BECN1: variants seen among roughly 807,000 people sequenced by gnomAD.
The protein encoded by BECN1 is beclin-1.
BECN1 carries 15 observed loss-of-function variants against 60.1 expected under a neutral mutation model. The ratio of observed to expected loss-of-function variants is 0.25; its 90% CI spans 0.17 to 0.38. The LOEUF is 0.38. Ranked by LOEUF, BECN1 falls within the 10% of genes least tolerant of loss-of-function variation. The pLI is 1.00. For synonymous variants in BECN1, 179 were observed against 201.8 expected (o/e 0.89, Z 0.96); for missense variants, 424 against 548.2 (o/e 0.77, Z 2.26).
At chr17:42,819,272 G>A in intron 4 of BECN1, 1 of 482,154 alleles carries the variant, frequency 2.1e-6, no homozygotes, top group Non-Finnish European at 3.7e-6. Context: ...AACTTCTCAA[G>A]AGCCCATCTC....
chr17:42,815,042 T>A (rs2055116936), intron 8 of BECN1: 1 of 226,792 alleles, frequency 4.4e-6, no homozygotes, highest in Admixed American at 5.3e-5. Flanking sequence ...TCCACCCCTT[T>A]ACCCCAAGTC....
rs764648809 is a variant in BECN1 at position 42,819,499 on chromosome 17, A to AT, written c.260+48_260+49insA. 2.3e-5 allele frequency: 37 copies of AT among 1,591,238 alleles called. No homozygotes were observed. In the Admixed American group the frequency reaches 5.2e-4, roughly 22 times the overall value. On this transcript the variant is annotated intron_variant, in intron 4 of 11. Transcript: ENST00000590099. ...GGTCTCGATTCCTGGATTTAATTAA[A>AT]ATTCTACTAGCCTTTGGCAAGGAAT...
intron 4 of BECN1, chr17:42,819,342 T>C: frequency 1.8e-6 from 1 of 567,920 alleles, no homozygotes; most frequent in African/African-American, 1.9e-5. Context: ...AAAGCTACTA[T>C]CCTTTCCCAC....
rs140330492 is a variant in BECN1, at chr17:42,810,427, T to G, written c.*333A>C. ...GTTAAGTGCAGGAAGTTGAGAGAGA[T>G]AAAAATCCAGTGAAAACACATCAAT... On this transcript the variant is annotated 3_prime_UTR_variant, in exon 12 of 12. Transcript: ENST00000590099. 25 of 169,698 alleles carry G rather than the reference T, an allele frequency of 1.5e-4. No individual in the cohort carries two copies. Among genetic ancestry groups the G allele is most frequent in the East Asian group, 3.2e-4 (2 of 6,202 alleles). The allele number at this position is 169,698 out of a possible 1,614,324, so 10.5% of individuals were successfully genotyped here. A position where few individuals can be genotyped will look rare whatever the true frequency, so the allele number is the denominator to read the frequency against.
In BECN1 at chr17:42,810,361, T is replaced by A. The variant is rs561823964; in HGVS notation, c.*399A>T. The A allele has an allele frequency of 1.3e-5, 2 of 154,962 alleles. No homozygotes were observed. Among genetic ancestry groups the A allele is most frequent in the South Asian group, 4.0e-4 (2 of 4,956 alleles). 9.6% of individuals were successfully genotyped at this position (154,962 alleles called of 1,614,324 possible). On this transcript the variant is annotated 3_prime_UTR_variant, in exon 12 of 12. Transcript: ENST00000590099. ...ATTATCCAACTGTGCATCTCAAACA[T>A]ATCCTCATCTCAGTAAAGACAAAAG...
rs1448269249 is a variant in BECN1, at chr17:42,811,782, A to G, written c.1057T>C (p.Cys353Arg). The G allele has an allele frequency of 6.2e-7, 1 of 1,613,530 alleles. No homozygotes were observed. ...TDKSKELPLY[C>R]SGGLRFFWDN... is the part of the protein sequence containing the mutation. Reference sequence around the variant, plus strand: ...CAGAAAAACCGCAACCCCCCAGAACAGTATAACGGCAGCTCCTGCCCAAGA... The same window carrying G: ...CAGAAAAACCGCAACCCCCCAGAACGGTATAACGGCAGCTCCTGCCCAAGA... The change falls in exon 11 of 12, where the codon TGT becomes CGT. Residue 353 changes from cysteine to arginine, a missense_variant. This residue lies in a region of BECN1 where 326 missense variants were observed against 406.2 expected (regional missense o/e 0.80). Transcript: ENST00000590099.
chr17:42,819,705 A>C, intron 3 of BECN1, 96 bp from the exon 4 acceptor site: 2 of 1,225,846 alleles, frequency 1.6e-6, no homozygotes, highest in South Asian at 1.4e-5. Flanking sequence ...TAGTCTTGAT[A>C]ACCACAAGAC....
chr17:42,819,468 G>C (rs756350458), intron 4 of BECN1, 80 bp downstream of exon 4: 56 of 1,464,492 alleles, frequency 3.8e-5, no homozygotes, highest in Non-Finnish European at 4.9e-5. Context: ...CTATCACCTG[G>C]CTCCAGGTCT....
intron 9 of BECN1, 58 bp from the exon 10 acceptor site, chr17:42,814,066 GA>G: frequency 7.9e-7 from 1 of 1,271,828 alleles, no homozygotes; most frequent in Non-Finnish European, 1.1e-6. Context: ...TGATTATTGG[GA>G]AGTTACAACC....
intron 3 of BECN1, chr17:42,820,435 G>C (rs903365050): frequency 4.2e-6 from 1 of 239,512 alleles, no homozygotes; most frequent in African/African-American, 2.2e-5. Context: ...TAGAACAACA[G>C]ATGCAAATCA....
chr17:42,820,633 C>T, intron 3 of BECN1, 141 bp downstream of exon 3: 2 of 727,626 alleles, frequency 2.7e-6, no homozygotes, highest in Non-Finnish European at 4.6e-6. Context: ...GTCTCATTAC[C>T]CAGAGATCCC....
At chr17:42,820,886 C>T (rs1298092089) in intron 2 of BECN1, 45 bp from the exon 3 acceptor site, 1 of 1,492,798 alleles carries the variant, frequency 6.7e-7, no homozygotes, top group African/African-American at 1.4e-5. Flanking sequence ...CTTATTAAAG[C>T]AGGAGGGCAT....
chr17:42,816,117 C>T, intron 7 of BECN1, 63 bp from the exon 8 acceptor site: 1 of 1,477,602 alleles, frequency 6.8e-7, no homozygotes. Flanking sequence ...TCTCTCTCAC[C>T]ACACTATGAA....
rs1231365110 is a variant in BECN1, at chr17:42,818,579, C to G, written c.453G>C (p.Gln151His). 6.2e-7 allele frequency: 1 copy of G among 1,614,086 alleles called. No individual in the cohort carries two copies. The highest frequency in any genetic ancestry group is 1.3e-5 in the African/African-American group (1 of 74,928). Residue 151 changes from glutamine to histidine, a missense_variant, in exon 6 of 12, where the codon CAG becomes CAC. By Grantham distance (24) the Gln-to-His change is conservative. Around this residue, in one of 3 missense-constraint regions of BECN1, gnomAD observed 326 missense variants for 406.2 expected, o/e 0.80. Transcript: ENST00000590099. ...GACACTCATTTTCAGTGACGTTGAG[C>G]TGAGTGTCCAGCTGGTCTAAAAGAG... is the stretch of plus-strand genomic sequence containing the variant. ...TDTLLDQLDT[Q>H]LNVTENECQN... is the part of the protein sequence containing the mutation.
In BECN1 at chr17:42,820,817, G is replaced by T; in HGVS notation, c.155C>A (p.Ala52Glu). Residue 52 changes from alanine to glutamate, a missense_variant, in exon 3 of 12, where the codon GCG becomes GAG. Physicochemically the swap from Ala to Glu is moderately radical, Grantham distance 107. Coordinates refer to ENST00000590099, the MANE Select transcript of BECN1 (RefSeq NM_001313998.2). Reference protein sequence around the residue: ...LTAPLLTTAQAKPGETQEEET... With the variant: ...LTAPLLTTAQEKPGETQEEET... Reference sequence around the variant, plus strand: ...TTCCTCCTGGGTCTCTCCTGGTTTCGCCTGGGCTGTGGTAAGTAATGGAGC... The same window carrying T: ...TTCCTCCTGGGTCTCTCCTGGTTTCTCCTGGGCTGTGGTAAGTAATGGAGC... 6.3e-7 allele frequency: 1 copy of T among 1,598,598 alleles called. No individual in the cohort carries two copies. The highest frequency in any genetic ancestry group is 8.5e-7 in the Non-Finnish European group (1 of 1,171,646).
chr17:42,817,370 T>A (rs899454778), intron 7 of BECN1, among the ~76,000 whole-genome samples: 16 of 152,166 alleles, frequency 1.1e-4, no homozygotes, highest in Admixed American at 4.6e-4. Context: ...GCTTCATTTC[T>A]ATACACTTAC....
Position 42,823,879 on chromosome 17 carries a change from C to T in BECN1, c.-2G>A, listed in dbSNP as rs1305400084. 6.2e-7 allele frequency: 1 copy of T among 1,612,830 alleles called. No homozygotes were observed. The highest frequency in any genetic ancestry group is 1.1e-5 in the South Asian group (1 of 90,982). On this transcript the variant is annotated splice_region_variant and 5_prime_UTR_variant, in exon 2 of 12. Transcript: ENST00000590099. ...GTTGGACGTCTTAGACCCTTCCATC[C>T]CTGAGGCCGTGGAAAAGAGGCAACA...
At position 42,818,893 on chromosome 17, in the gene BECN1, C is replaced by A; in HGVS notation, c.261-16G>T. 9.9e-6 allele frequency: 16 copies of A among 1,613,558 alleles called. No homozygotes were observed. Among genetic ancestry groups the A allele is most frequent in the Non-Finnish European group, 1.2e-5 (14 of 1,179,608 alleles). On this transcript the variant is annotated splice_polypyrimidine_tract_variant and intron_variant, in intron 4 of 11. Transcript: ENST00000590099. Reference sequence around the variant, plus strand: ...GGACATCATCCTGCAGACAGCCCCCCGCCCACGGGCCACATGAGGGAACAG... The same window carrying A: ...GGACATCATCCTGCAGACAGCCCCCAGCCCACGGGCCACATGAGGGAACAG...
chr17:42,823,102 CG>C (rs1387184762), intron 2 of BECN1, among the ~76,000 whole-genome samples: 2 of 152,124 alleles, frequency 1.3e-5, no homozygotes, highest in African/African-American at 4.8e-5. Context: ...ATACCCCGTA[CG>C]GGTTGTTACA....
Sources: allele counts gnomAD v4.1 joint callset (sites outside exome capture counted in the v4.1 genomes callset), GRCh38; gene constraint gnomAD v4.1.1; regional missense constraint gnomAD v4.1.1; transcripts MANE v1.5; gene names NCBI Gene and HGNC (gene_info 2026-07-23, HGNC 2026-07-21).